The following ARHGAP8 variants were observed in gnomAD, a reference collection of about 807,000 sequenced individuals.
ARHGAP8 encodes Rho GTPase activating protein 8.
ARHGAP8 carries 62 observed loss-of-function variants against 46.1 expected under a neutral mutation model. The observed-to-expected ratio is 1.34, with a 90% confidence interval of 1.10 to 1.66. The LOEUF is 1.66. ARHGAP8 is among the 40% of genes most tolerant of loss of function. The probability of loss-of-function intolerance (pLI) is 0.00; values close to 1 mark genes in which losing one functional copy is unlikely to be tolerated. For synonymous variants in ARHGAP8, 375 were observed against 243.1 expected (o/e 1.54, Z -5.05); for missense variants, 923 against 568.4 (o/e 1.62, Z -6.34).
chr22:44,856,944 CTT>C (rs541676137), intron 10 of ARHGAP8, among the ~76,000 whole-genome samples: 3 of 133,480 alleles, frequency 2.2e-5, no homozygotes, highest in Admixed American at 7.2e-5. Context: ...AGTAAGAATT[CTT>C]TTTTTTTTTT....
chr22:44,847,787 C>G (rs1408489237), intron 8 of ARHGAP8, among the ~76,000 whole-genome samples, 186 bp from the exon 9 acceptor site: 2 of 152,246 alleles, frequency 1.3e-5, no homozygotes, highest in East Asian at 3.8e-4. Context: ...TCCGCTTTCC[C>G]TTTCCATGGA....
chr22:44,798,480 C>T (rs1405367866), intron 2 of ARHGAP8, among the ~76,000 whole-genome samples: 2 of 151,606 alleles, frequency 1.3e-5, no homozygotes, highest in Admixed American at 6.6e-5. Context: ...ATTAGATCTG[C>T]AGTGACCCTG....
chr22:44,772,243 T>C (rs1926073889), intron 1 of ARHGAP8, among the ~76,000 whole-genome samples: 1 of 132,614 alleles, frequency 7.5e-6, no homozygotes, highest in African/African-American at 3.0e-5. Context: ...TTTTTTTTTT[T>C]TTTTTTTTTT....
intron 2 of ARHGAP8, among the ~76,000 whole-genome samples, chr22:44,799,951 G>T (rs566958226): frequency 1.3e-5 from 2 of 151,760 alleles, no homozygotes; most frequent in South Asian, 2.1e-4. Flanking sequence ...GAACCATGAG[G>T]TCTCCAACCT....
intron 8 of ARHGAP8, among the ~76,000 whole-genome samples, chr22:44,846,739 C>T (rs184646425): frequency 9.2e-5 from 14 of 152,314 alleles, no homozygotes; most frequent in East Asian, 3.9e-4. Flanking sequence ...GCATTCGCTA[C>T]GTGCCTCCCT....
chr22:44,828,461 T>C (rs530658087), intron 7 of ARHGAP8, among the ~76,000 whole-genome samples: 1 of 151,288 alleles, frequency 6.6e-6, no homozygotes, highest in South Asian at 2.1e-4. Context: ...GAGACAATTT[T>C]TTTTTTGAAA....
At chr22:44,777,677 G>C (rs1343107972) in intron 1 of ARHGAP8, among the ~76,000 whole-genome samples, 13 of 151,546 alleles carry the variant, frequency 8.6e-5, no homozygotes, top group Non-Finnish European at 1.5e-5. Context: ...AGTGGTGATT[G>C]TTTTGTTTTA....
chr22:44,767,984 CTTTTTTTTTTTTT>C (rs1167255172), intron 1 of ARHGAP8, among the ~76,000 whole-genome samples: 12 of 47,254 alleles, frequency 2.5e-4, no homozygotes, highest in Admixed American at 3.6e-4. Flanking sequence ...CGCATGATGT[CTTTTTTTTTTTTT>C]TTTTTTTTTT....
At chr22:44,825,737 T>C (rs1930463836) in intron 7 of ARHGAP8, 144 bp downstream of exon 7, 3 of 1,042,086 alleles carry the variant, frequency 2.9e-6, no homozygotes, top group South Asian at 3.5e-5. Flanking sequence ...CCTGAGCTCA[T>C]CACTGAGGCC....
chr22:44,836,632 G>T (rs1231173394), intron 7 of ARHGAP8, among the ~76,000 whole-genome samples: 1 of 151,384 alleles, frequency 6.6e-6, no homozygotes, highest in Non-Finnish European at 1.5e-5. Flanking sequence ...GGGCATCCAG[G>T]ACCTCCCTGG....
chr22:44,862,588 G>C lies in ARHGAP8; in HGVS notation c.1295G>C (p.Arg432Pro), dbSNP rs376235062. The stretch of plus-strand genomic sequence containing the variant: ...AGTCCCCTGATGGCAGCCAGAAGAC[G>C]TCTCTAGTGTTGCGAACACTCTGTA... ...PPSPLMAARR[R>P]L The change falls in exon 12 of 12, where the codon CGT (arginine) becomes CCT (proline). Residue 432 changes from arginine to proline, a missense_variant. By Grantham distance (103) the Arg-to-Pro change is moderately radical. Coordinates refer to ENST00000356099, the MANE Select transcript of ARHGAP8 (RefSeq NM_181335.3). 28 of 1,577,378 alleles carry C rather than the reference G, an allele frequency of 1.8e-5. No individual in the cohort carries two copies. In the East Asian group the frequency reaches 6.2e-4, roughly 35 times the overall value.
At chr22:44,861,943 A>G (rs767324733) in intron 11 of ARHGAP8, among the ~76,000 whole-genome samples, 3 of 152,244 alleles carry the variant, frequency 2.0e-5, no homozygotes, top group Non-Finnish European at 2.9e-5. Context: ...GAGGTCACCA[A>G]GTTCGTACCG....
intron 4 of ARHGAP8, among the ~76,000 whole-genome samples, chr22:44,814,151 G>T (rs1249634628): frequency 1.3e-5 from 2 of 152,234 alleles, no homozygotes; most frequent in South Asian, 2.1e-4. Context: ...AGACTGGGAA[G>T]GAGGGAGAGA....
chr22:44,827,540 A>G (rs1337763016), intron 7 of ARHGAP8, among the ~76,000 whole-genome samples: 9 of 151,712 alleles, frequency 5.9e-5, no homozygotes, highest in African/African-American at 2.2e-4. Context: ...ACGGGGTTTC[A>G]CCATGTTGGC....
At chr22:44,852,526 C>T (rs1427463601) in intron 10 of ARHGAP8, among the ~76,000 whole-genome samples, 1 of 152,126 alleles carries the variant, frequency 6.6e-6, no homozygotes, top group Non-Finnish European at 1.5e-5. Context: ...GTTCCGGACC[C>T]CAGCATTCCC....
Position 44,824,188 on chromosome 22 carries a change from G to C in ARHGAP8, c.486-1295G>C, listed in dbSNP as rs573162351. Among the ~76,000 whole-genome samples the C allele has an allele frequency of 5.5e-4, 84 of 152,186 alleles. 1 individual carries two copies. The South Asian group carries it at 0.017, about 30-fold the overall frequency. ...GGCTGTCATCCCAGCTTGTGACCTG[G>C]GGCATGTCACCAGACCTTGACAAGC... On this transcript the variant is annotated intron_variant, in intron 6 of 11. Coordinates refer to ENST00000356099, the MANE Select transcript of ARHGAP8 (RefSeq NM_181335.3).
chr22:44,830,561 A>T (rs1930874975), intron 7 of ARHGAP8, among the ~76,000 whole-genome samples: 1 of 149,322 alleles, frequency 6.7e-6, no homozygotes, highest in African/African-American at 2.5e-5. Flanking sequence ...TTCTGAGACA[A>T]AGTCTTGCTC....
At chr22:44,834,049 G>A (rs1301259315) in intron 7 of ARHGAP8, among the ~76,000 whole-genome samples, 1 of 151,314 alleles carries the variant, frequency 6.6e-6, no homozygotes, top group African/African-American at 2.4e-5. Flanking sequence ...TTTTTTCTTG[G>A]TCAGTCTAGC....
At chr22:44,783,313 C>G (rs918838101) in intron 1 of ARHGAP8, among the ~76,000 whole-genome samples, 1 of 152,074 alleles carries the variant, frequency 6.6e-6, no homozygotes, top group Non-Finnish European at 1.5e-5. Context: ...ACCCCCGCAG[C>G]GGTCCATCCC....
Sources: allele counts gnomAD v4.1 joint callset (sites outside exome capture counted in the v4.1 genomes callset), GRCh38; gene constraint gnomAD v4.1.1; transcripts MANE v1.5; gene names NCBI Gene and HGNC (gene_info 2026-07-23, HGNC 2026-07-21).